The following C11orf58 variants were observed in gnomAD, a reference collection of about 807,000 sequenced individuals.
C11orf58 encodes the protein small acidic protein.
C11orf58 carries 5 observed loss-of-function variants against 22.7 expected under a neutral mutation model. The ratio of observed to expected loss-of-function variants is 0.22; its 90% CI spans 0.12 to 0.46. C11orf58 has a LOEUF of 0.46. Among genes scored for constraint, C11orf58 ranks in the 20% least tolerant of loss-of-function variants. C11orf58 has a pLI of 0.99. For missense variants in C11orf58, 151 were observed against 223.3 expected, an observed-to-expected ratio of 0.68 and a Z score of 2.06; for synonymous variants, 71 against 70.7, an observed-to-expected ratio of 1.00 and a Z score of -0.02.
chr11:16,755,032 G>A lies in C11orf58; in HGVS notation c.480G>A (p.Val160=), dbSNP rs768858538. ...ELQAAEHPDE[V]EDPKNKKDAK... is the part of the protein sequence containing the mutation. ...AAGCTGCTGAGCACCCTGATGAAGT[G>A]GAGGATCCCAAAAACAAAAAAGATG... is the stretch of plus-strand genomic sequence containing the variant. Residue 160 remains valine (V), a synonymous_variant, in exon 5 of 5, where the codon GTG becomes GTA. Transcript: ENST00000228136. 3.8e-5 allele frequency: 61 copies of A among 1,613,894 alleles called. No individual in the cohort carries two copies. The highest frequency in any genetic ancestry group is 4.8e-5 in the Non-Finnish European group (57 of 1,180,020).
At chr11:16,746,386 G>A (rs1456275531) in intron 2 of C11orf58, among the ~76,000 whole-genome samples, 1 of 152,134 alleles carries the variant, frequency 6.6e-6, no homozygotes, top group Non-Finnish European at 1.5e-5. Flanking sequence ...GTGGTTCTTG[G>A]AAACTAACCT....
chr11:16,745,848 G>T (rs908063068), intron 2 of C11orf58, among the ~76,000 whole-genome samples: 10 of 152,140 alleles, frequency 6.6e-5, no homozygotes, highest in Non-Finnish European at 1.3e-4. Flanking sequence ...AAATTGAAAA[G>T]AAATAGGAAA....
At chr11:16,747,019 A>G (rs771651922) in intron 2 of C11orf58, 1 of 152,236 alleles carries the variant, frequency 6.6e-6, no homozygotes, top group Non-Finnish European at 1.5e-5. Flanking sequence ...TGTGGCCACA[A>G]AGTATATTTG....
intron 4 of C11orf58, among the ~76,000 whole-genome samples, chr11:16,754,207 A>G (rs535184596): frequency 1.3e-5 from 2 of 152,292 alleles, no homozygotes; most frequent in African/African-American, 4.8e-5. Flanking sequence ...TTCTACATAA[A>G]GGTCAGTGGT....
intron 2 of C11orf58, among the ~76,000 whole-genome samples, chr11:16,746,227 G>T (rs1848486415): frequency 6.6e-6 from 1 of 152,162 alleles, no homozygotes; most frequent in South Asian, 2.1e-4. Context: ...ATAGGAAGAG[G>T]TCATGTAAAA....
Position 16,755,094 on chromosome 11 carries a change from G to A in C11orf58, c.542G>A (p.Ser181Asn). ...TATAAAATGATGTTTGTTAAATCCA[G>A]TGGTTCATAACTCCCAAACGCTTAG... ...SNYKMMFVKS[S>N]GS is the part of the protein sequence containing the mutation. Residue 181 changes from serine (S) to asparagine (N), a missense_variant, in exon 5 of 5, where the codon AGT becomes AAT. Around this residue, in one of 3 missense-constraint regions of C11orf58, gnomAD observed 112 missense variants for 162.6 expected, o/e 0.69. Coordinates refer to ENST00000228136, the MANE Select transcript of C11orf58 (RefSeq NM_014267.6). The A allele has an allele frequency of 1.2e-6, 2 of 1,613,934 alleles. No homozygotes were observed.
chr11:16,750,624 C>G (rs1371371722), intron 3 of C11orf58: 1 of 153,800 alleles, frequency 6.5e-6, no homozygotes, highest in Non-Finnish European at 1.5e-5. Flanking sequence ...GGTACCCAAT[C>G]CAGGTTAATG....
chr11:16,750,876 G>A (rs1848527574), intron 3 of C11orf58: 1 of 152,246 alleles, frequency 6.6e-6, no homozygotes, highest in South Asian at 2.1e-4. Flanking sequence ...TCAGGTCAAA[G>A]AGCTTGCTTC....
At position 16,754,512 on chromosome 11, in the gene C11orf58, C is replaced by CTT. The variant is rs111667450; in HGVS notation, c.319-347_319-346dup. ...TGCCTGGCTAATTTTTTTCTTTTTT[C>CTT]TTTTTTTTTTTTTAGTTTCTCTCTC... On this transcript the variant is annotated intron_variant, in intron 4 of 4. Transcript: ENST00000228136. Among the ~76,000 whole-genome samples, 463 of 58,526 alleles carry CTT rather than the reference C, an allele frequency of 7.9e-3. 8 individuals are homozygous for CTT. The highest frequency in any genetic ancestry group is 0.03 in the African/African-American group (437 of 14,694). The allele number at this position is 58,526 out of a possible 152,430, so 38.4% of individuals were successfully genotyped here.
At chr11:16,744,382 C>T in intron 1 of C11orf58, 1 of 492,434 alleles carries the variant, frequency 2.0e-6, no homozygotes, top group Non-Finnish European at 3.6e-6. Context: ...TGAGACTCAG[C>T]TCTGGCTGTA....
intron 2 of C11orf58, among the ~76,000 whole-genome samples, chr11:16,745,866 TTC>T (rs1364434545): frequency 8.5e-5 from 13 of 152,240 alleles, no homozygotes; most frequent in African/African-American, 2.7e-4. Flanking sequence ...AAAGCTTTTT[TTC>T]TCTTTTTTTA....
Position 16,753,792 on chromosome 11 carries a change from A to G in C11orf58, c.318+898A>G, listed in dbSNP as rs1848552160. 5 of 402,412 alleles carry G rather than the reference A, an allele frequency of 1.2e-5. No individual in the cohort carries two copies. The South Asian group carries it at 4.6e-4, about 37-fold the overall frequency. 24.9% of individuals were successfully genotyped at this position (402,412 alleles called of 1,614,324 possible). A position where few individuals can be genotyped will look rare whatever the true frequency, so the allele number is the denominator to read the frequency against. ...CACTCTGTCACCCAGGCTGGAGTAT[A>G]GTGGCACAGTCTCACTGCCACCTTA... On this transcript the variant is annotated intron_variant, in intron 4 of 4. Coordinates refer to ENST00000228136, the MANE Select transcript of C11orf58 (RefSeq NM_014267.6).
intron 1 of C11orf58, among the ~76,000 whole-genome samples, chr11:16,743,858 A>G (rs1848467073): frequency 6.6e-6 from 1 of 152,158 alleles, no homozygotes; most frequent in Non-Finnish European, 1.5e-5. Flanking sequence ...ATGTAGGGAA[A>G]AAATACGCTC....
At position 16,741,061 on chromosome 11, in the gene C11orf58, A is replaced by C. The variant is rs1024605107; in HGVS notation, c.63+2220A>C. 3.3e-5 allele frequency among the ~76,000 whole-genome samples: 5 copies of C among 150,086 alleles called. No individual in the cohort carries two copies. In the East Asian group the frequency reaches 6.0e-4, roughly 18 times the overall value. On this transcript the variant is annotated intron_variant, in intron 1 of 4. Coordinates refer to ENST00000228136, the MANE Select transcript of C11orf58 (RefSeq NM_014267.6). ...CAGTGAGCCAAGATGGCGCCACTGC[A>C]CTCCAGCCTGGGCGACAGAGCGAGA... is the stretch of plus-strand genomic sequence containing the variant.
intron 3 of C11orf58, chr11:16,751,536 A>G (rs1848533247): frequency 6.6e-6 from 1 of 151,918 alleles, no homozygotes; most frequent in South Asian, 2.1e-4. Flanking sequence ...TGTGTGACAT[A>G]TTCAATCTGT....
rs1229596091 is a variant in C11orf58, at chr11:16,757,152, A to G, written c.*2048A>G. On this transcript the variant is annotated 3_prime_UTR_variant, in exon 5 of 5. Transcript: ENST00000228136. Reference sequence around the variant, plus strand: ...GACATTTAACAAATACTTGGTTTGAAAAAGTTTGGCTTTATTCAACAATTT... The same window carrying G: ...GACATTTAACAAATACTTGGTTTGAGAAAGTTTGGCTTTATTCAACAATTT... Among the ~76,000 whole-genome samples the G allele has an allele frequency of 6.6e-6, 1 of 152,122 alleles. No homozygotes were observed. Among genetic ancestry groups the G allele is most frequent in the Non-Finnish European group, 1.5e-5 (1 of 68,028 alleles).
At position 16,748,027 on chromosome 11, in the gene C11orf58, C is replaced by T. The variant is rs920013188; in HGVS notation, c.148-70C>T. The T allele has an allele frequency of 5.9e-6, 7 of 1,187,374 alleles. No individual in the cohort carries two copies. The African/African-American group carries it at 6.1e-5, about 10-fold the overall frequency. The allele number at this position is 1,187,374 out of a possible 1,614,324, so 73.6% of individuals were successfully genotyped here. A position where few individuals can be genotyped will look rare whatever the true frequency, so the allele number is the denominator to read the frequency against. On this transcript the variant is annotated intron_variant, in intron 2 of 4. Transcript: ENST00000228136. The stretch of plus-strand genomic sequence containing the variant: ...CCCAGAAGCCTAGAATAGTTTTCAG[C>T]ACATAGTAGATACCCAATAAGGTTA...
At chr11:16,738,943 CGGGAGAGCCCA>C in intron 1 of C11orf58, 102 bp downstream of exon 1, 3 of 1,285,998 alleles carry the variant, frequency 2.3e-6, no homozygotes, top group Non-Finnish European at 3.3e-6. Flanking sequence ...TGGCCTGCAG[CGGGAGAGCCCA>C]GGGAAGAAAC....
intron 2 of C11orf58, chr11:16,747,043 C>G (rs1848492715): frequency 6.6e-6 from 1 of 152,154 alleles, no homozygotes; most frequent in Non-Finnish European, 1.5e-5. Context: ...TCCTAGCCGG[C>G]TATCATGAAT....
Sources: allele counts gnomAD v4.1 joint callset (sites outside exome capture counted in the v4.1 genomes callset), GRCh38; gene constraint gnomAD v4.1.1; regional missense constraint gnomAD v4.1.1; transcripts MANE v1.5; gene names NCBI Gene and HGNC (gene_info 2026-07-23, HGNC 2026-07-21).